FRMD4A: variants seen among roughly 807,000 people sequenced by gnomAD.
FRMD4A encodes FERM domain containing 4A.
In FRMD4A, 29 loss-of-function variants were observed where a neutral mutation model predicts 129.1. The ratio of observed to expected loss-of-function variants is 0.22; its 90% confidence interval spans 0.17 to 0.31. The LOEUF (loss-of-function observed/expected upper bound fraction) is 0.31, where lower values mean the gene tolerates loss of function less well. Among genes scored for constraint, FRMD4A ranks in the 10% least tolerant of loss-of-function variants. FRMD4A has a pLI of 1.00. For missense variants in FRMD4A, 1,272 were observed against 1,375.8 expected (o/e 0.92, Z 1.19); for synonymous variants, 634 against 571.6 (o/e 1.11, Z -1.56).
At chr10:14,235,310 A>G (rs7086542) in intron 2 of FRMD4A, among the ~76,000 whole-genome samples, 1,879 of 89,732 alleles carry the variant, frequency 0.021, 301 homozygotes, top group Middle Eastern at 0.086. Context: ...CACCATGCCC[A>G]GCTAATTTTT....
intron 2 of FRMD4A, among the ~76,000 whole-genome samples, chr10:13,989,019 G>T (rs966128555): frequency 2.1e-5 from 3 of 143,480 alleles, no homozygotes; most frequent in Non-Finnish European, 4.6e-5. Context: ...TTAGGACAGT[G>T]ATTTTCAGTA....
intron 2 of FRMD4A, among the ~76,000 whole-genome samples, chr10:14,114,029 T>C (rs905050701): frequency 6.6e-6 from 1 of 152,146 alleles, no homozygotes; most frequent in Non-Finnish European, 1.5e-5. Flanking sequence ...GCAGTCTCAG[T>C]AGGGGGTGCC....
At chr10:13,838,087 T>C (rs1003833716) in intron 3 of FRMD4A, among the ~76,000 whole-genome samples, 1 of 152,100 alleles carries the variant, frequency 6.6e-6, no homozygotes. Flanking sequence ...CAACGTGCTA[T>C]CTCTTTATTT....
intron 15 of FRMD4A, among the ~76,000 whole-genome samples, chr10:13,676,566 C>T (rs1326441016): frequency 4.6e-5 from 7 of 152,084 alleles, no homozygotes; most frequent in East Asian, 1.9e-4. Flanking sequence ...TGAGCCACCG[C>T]GCCCAGCCGA....
intron 2 of FRMD4A, among the ~76,000 whole-genome samples, chr10:14,158,302 A>G (rs979347649): frequency 7.9e-5 from 12 of 152,222 alleles, no homozygotes; most frequent in Non-Finnish European, 1.6e-4. Context: ...GAGAAGGGCA[A>G]GAATTCAGTC....
intron 4 of FRMD4A, among the ~76,000 whole-genome samples, chr10:13,810,266 T>G (rs2093423065): frequency 6.6e-6 from 1 of 152,250 alleles, no homozygotes; most frequent in Admixed American, 6.5e-5. Context: ...TTTTCCTTAC[T>G]TGTATTACAC....
At chr10:14,252,210 A>G (rs1219505845) in intron 2 of FRMD4A, among the ~76,000 whole-genome samples, 1 of 152,222 alleles carries the variant, frequency 6.6e-6, no homozygotes, top group South Asian at 2.1e-4. Flanking sequence ...AGTAAAATGT[A>G]TCCATAAATA....
intron 2 of FRMD4A, among the ~76,000 whole-genome samples, chr10:14,325,459 C>T (rs1233966513): frequency 6.6e-6 from 1 of 152,246 alleles, no homozygotes; most frequent in Non-Finnish European, 1.5e-5. Context: ...ACTCCCCTCA[C>T]CTCAAATCTG....
At chr10:13,698,114 G>A (rs1395984411) in intron 14 of FRMD4A, among the ~76,000 whole-genome samples, 2 of 149,078 alleles carry the variant, frequency 1.3e-5, no homozygotes, top group Admixed American at 1.3e-4. Context: ...GACAGGCAGA[G>A]AGAAAGAAGG....
At chr10:13,843,175 A>G (rs3995571) in intron 3 of FRMD4A, among the ~76,000 whole-genome samples, 124,135 of 152,120 alleles carry the variant, frequency 0.82, 50,834 homozygotes, top group East Asian at 0.96. Context: ...CAGACAGCCT[A>G]TGCTGCATCG....
At chr10:14,309,125 C>T (rs1023568980) in intron 2 of FRMD4A, among the ~76,000 whole-genome samples, 1 of 152,158 alleles carries the variant, frequency 6.6e-6, no homozygotes, top group East Asian at 1.9e-4. Context: ...TCTCAACATG[C>T]AATCACTTTC....
chr10:13,903,346 C>A (rs2094842824), intron 2 of FRMD4A, among the ~76,000 whole-genome samples: 1 of 152,174 alleles, frequency 6.6e-6, no homozygotes, highest in Non-Finnish European at 1.5e-5. Context: ...ACCTGTCCTT[C>A]CCACGAGAGC....
intron 12 of FRMD4A, among the ~76,000 whole-genome samples, chr10:13,708,103 G>A (rs751507024): frequency 6.6e-6 from 1 of 152,192 alleles, no homozygotes; most frequent in Non-Finnish European, 1.5e-5. Context: ...TTTATTTTGC[G>A]GAAAGAAGGG....
intron 2 of FRMD4A, among the ~76,000 whole-genome samples, chr10:13,981,061 A>G (rs1387167212): frequency 6.6e-6 from 1 of 152,216 alleles, no homozygotes; most frequent in East Asian, 1.9e-4. Context: ...TCTCATGAAG[A>G]TCTCTTGTAG....
intron 12 of FRMD4A, among the ~76,000 whole-genome samples, chr10:13,732,727 C>A (rs1048924667): frequency 2.6e-5 from 4 of 152,200 alleles, no homozygotes; most frequent in Admixed American, 1.3e-4. Context: ...GCACCAGAGC[C>A]AAGAGGGAGT....
intron 2 of FRMD4A, among the ~76,000 whole-genome samples, chr10:14,125,290 C>T (rs1455791583): frequency 1.3e-5 from 2 of 152,118 alleles, no homozygotes; most frequent in African/African-American, 4.8e-5. Context: ...TTCTCCACTG[C>T]CTTTGAAATA....
chr10:13,783,250 C>T (rs2092779057), intron 5 of FRMD4A, among the ~76,000 whole-genome samples: 1 of 152,236 alleles, frequency 6.6e-6, no homozygotes, highest in African/African-American at 2.4e-5. Flanking sequence ...GGTCTACCAC[C>T]AATTTGTAAG....
chr10:13,805,525 C>A, intron 4 of FRMD4A, among the ~76,000 whole-genome samples: 1 of 151,708 alleles, frequency 6.6e-6, no homozygotes, highest in East Asian at 1.9e-4. Flanking sequence ...ACAGGAGATT[C>A]AAATTAAAAT....
intron 2 of FRMD4A, among the ~76,000 whole-genome samples, chr10:13,982,050 G>A (rs1001536564): frequency 2.0e-5 from 3 of 152,114 alleles, no homozygotes; most frequent in Non-Finnish European, 2.9e-5. Flanking sequence ...TCCCACAGGC[G>A]TAGCCATACA....
Sources: gnomAD v4.1 joint callset for allele counts (sites outside exome capture counted in the v4.1 genomes callset) on GRCh38, gnomAD v4.1.1 for gene constraint, MANE v1.5 for transcripts, NCBI Gene and HGNC (gene_info 2026-07-23, HGNC 2026-07-21) for gene names.